SEC14L1: variants seen among roughly 807,000 people sequenced by gnomAD.
SEC14L1 encodes the protein SEC14-like protein 1.
A neutral mutation model predicts 85.3 loss-of-function variants in SEC14L1; 48 were observed. That is an observed-to-expected ratio of 0.56 (90% confidence interval 0.45 to 0.72). The LOEUF (loss-of-function observed/expected upper bound fraction) is 0.72. Among genes scored for constraint, SEC14L1 ranks in the 30% least tolerant of loss-of-function variants. The pLI, the probability that SEC14L1 is intolerant of heterozygous loss-of-function variation, is 0.00. For missense variants in SEC14L1, 682 were observed against 921.4 expected (o/e 0.74, Z 3.36); for synonymous variants, 391 against 355.5 (o/e 1.10, Z -1.12).
Position 77,213,759 on chromosome 17 carries a change from C to A in SEC14L1, c.2043-159C>A, listed in dbSNP as rs780185130. 1.0e-6 allele frequency: 1 copy of A among 997,372 alleles called. No homozygotes were observed. Among genetic ancestry groups the A allele is most frequent in the African/African-American group, 1.6e-5 (1 of 62,840 alleles). The allele number at this position is 997,372 out of a possible 1,614,324, so 61.8% of individuals were successfully genotyped here. A position where few individuals can be genotyped will look rare whatever the true frequency, so the allele number is the denominator to read the frequency against. ...GTGCAGGCTGTGGGAAGCCGGTCCCCCTGGTGGGTTACTCATGTCCATCCC... is the reference window on the plus strand; with the variant it reads ...GTGCAGGCTGTGGGAAGCCGGTCCCACTGGTGGGTTACTCATGTCCATCCC... On this transcript the variant is annotated intron_variant, in intron 16 of 16. Coordinates refer to ENST00000436233, the MANE Select transcript of SEC14L1 (RefSeq NM_001143998.2). The surrounding 1 kb of genome is among the most constrained non-coding windows in gnomAD (Gnocchi z 7.1).
At position 77,201,716 on chromosome 17, in the gene SEC14L1, A is replaced by T. The variant is rs1373157982; in HGVS notation, c.1009+1043A>T. On this transcript the variant is annotated intron_variant, in intron 9 of 16. Transcript: ENST00000436233. Reference sequence around the variant, plus strand: ...TGCCCACCTTGGCCTCCAAAAGTGCAGGAATTACAGGCGTGAGCCATTGCG... The same window carrying T: ...TGCCCACCTTGGCCTCCAAAAGTGCTGGAATTACAGGCGTGAGCCATTGCG... 5.9e-5 allele frequency among the ~76,000 whole-genome samples: 9 copies of T among 152,154 alleles called. No individual in the cohort carries two copies. In the East Asian group the frequency reaches 1.7e-3, roughly 29 times the overall value.
intron 13 of SEC14L1, among the ~76,000 whole-genome samples, chr17:77,208,602 C>G (rs762668642): frequency 2.0e-5 from 3 of 152,242 alleles, no homozygotes; most frequent in Non-Finnish European, 4.4e-5. Context: ...CCCTCCTGCT[C>G]TCTGGTGGCC....
At chr17:77,195,466 G>A (rs1175734776) in intron 7 of SEC14L1, among the ~76,000 whole-genome samples, 1 of 152,116 alleles carries the variant, frequency 6.6e-6, no homozygotes, top group Non-Finnish European at 1.5e-5. Flanking sequence ...CCACAGGCAT[G>A]TGCCACCACG....
intron 3 of SEC14L1, among the ~76,000 whole-genome samples, chr17:77,134,083 C>A (rs1972705613): frequency 6.6e-6 from 1 of 152,070 alleles, no homozygotes; most frequent in Admixed American, 6.6e-5. Flanking sequence ...CCTTCTCTTT[C>A]TCTGCTGCAG....
intron 3 of SEC14L1, among the ~76,000 whole-genome samples, chr17:77,148,551 G>A (rs1473531289): frequency 6.6e-6 from 1 of 152,120 alleles, no homozygotes; most frequent in Admixed American, 6.5e-5. Flanking sequence ...CTGTGCCCTA[G>A]GAGTGCTGGC....
In SEC14L1 at chr17:77,113,596, A is replaced by AG. The variant is rs202077799; in HGVS notation, c.-136+20249_-136+20250insG. On this transcript the variant is annotated intron_variant, in intron 3 of 19. Transcript: ENST00000392476. ...CTGTCTCTACTAAAAATATAAAAAAATTAGCCAGGTGTGGTAGCACATGCC... is the reference window on the plus strand; with the variant it reads ...CTGTCTCTACTAAAAATATAAAAAAAGTTAGCCAGGTGTGGTAGCACATGCC... 8.1e-3 allele frequency among the ~76,000 whole-genome samples: 1,238 copies of AG among 152,252 alleles called. 13 individuals are homozygous for AG. Among genetic ancestry groups the AG allele is most frequent in the African/African-American group, 0.028 (1,173 of 41,522 alleles).
Position 77,215,349 on chromosome 17 carries a change from C to T in SEC14L1, c.*1326C>T. ...TGGCCTCCACGATAAGGACATGCAA[C>T]ACGTGTTTCTGTGTGCAGCAGAGGC... On this transcript the variant is annotated 3_prime_UTR_variant, in exon 17 of 17. Transcript: ENST00000436233. The T allele has an allele frequency of 1.0e-6, 1 of 985,404 alleles. No individual in the cohort carries two copies. The highest frequency in any genetic ancestry group is 4.7e-5 in the South Asian group (1 of 21,290). The allele number at this position is 985,404 out of a possible 1,614,324, so 61.0% of individuals were successfully genotyped here.
chr17:77,133,476 C>T (rs1972678582), intron 3 of SEC14L1, among the ~76,000 whole-genome samples: 1 of 152,170 alleles, frequency 6.6e-6, no homozygotes, highest in Non-Finnish European at 1.5e-5. Context: ...ACTCAGGCTC[C>T]TAATGGGGGC....
At chr17:77,103,544 C>T (rs1415375666) in intron 3 of SEC14L1, among the ~76,000 whole-genome samples, 1 of 150,136 alleles carries the variant, frequency 6.7e-6, no homozygotes, top group East Asian at 2.0e-4. Context: ...TGGGCTCAAG[C>T]GATTCTCCTG....
At chr17:77,121,520 G>A (rs1034744112) in intron 3 of SEC14L1, among the ~76,000 whole-genome samples, 3 of 152,022 alleles carry the variant, frequency 2.0e-5, no homozygotes, top group African/African-American at 2.4e-5. Flanking sequence ...CACCATGCCC[G>A]GCTAATTTTT....
chr17:77,107,809 G>C (rs549453330), intron 3 of SEC14L1, among the ~76,000 whole-genome samples: 1 of 152,230 alleles, frequency 6.6e-6, no homozygotes, highest in African/African-American at 2.4e-5. Context: ...CTTGGAGCTT[G>C]CTGACACTAT....
intron 3 of SEC14L1, among the ~76,000 whole-genome samples, chr17:77,132,067 G>A (rs1324517423): frequency 1.3e-5 from 2 of 152,150 alleles, no homozygotes; most frequent in East Asian, 3.9e-4. Flanking sequence ...AATCGTGCCT[G>A]TAGGGTAACC....
chr17:77,216,655 C>A lies in SEC14L1; in HGVS notation c.*2632C>A. 6.2e-7 allele frequency: 1 copy of A among 1,606,376 alleles called. No homozygotes were observed. Among genetic ancestry groups the A allele is most frequent in the Non-Finnish European group, 8.5e-7 (1 of 1,174,152 alleles). ...GAATTGCAGCCATCCCCTGCCCCCT[C>A]CCAGGCTGAAGATCTGTTCTTTTTA... On this transcript the variant is annotated 3_prime_UTR_variant, in exon 17 of 17. Transcript: ENST00000436233.
chr17:77,185,878 T>C (rs1975244613), intron 3 of SEC14L1, among the ~76,000 whole-genome samples: 1 of 152,140 alleles, frequency 6.6e-6, no homozygotes, highest in Non-Finnish European at 1.5e-5. Flanking sequence ...TTAAACTGCT[T>C]AAGTGTTGTT....
At chr17:77,147,769 T>TG (rs1555620089) in intron 3 of SEC14L1, among the ~76,000 whole-genome samples, 1 of 152,150 alleles carries the variant, frequency 6.6e-6, no homozygotes, top group Non-Finnish European at 1.5e-5. Context: ...GGGAACCTTC[T>TG]GGGGGGATGG....
intron 3 of SEC14L1, among the ~76,000 whole-genome samples, chr17:77,134,250 A>AC (rs1446659769): frequency 5.3e-5 from 7 of 132,038 alleles, no homozygotes; most frequent in African/African-American, 2.0e-4. Flanking sequence ...ACACACACAC[A>AC]CTTTTTTTTT....
At position 77,200,686 on chromosome 17, in the gene SEC14L1, G is replaced by A. The variant is rs1976091236; in HGVS notation, c.1009+13G>A. On this transcript the variant is annotated intron_variant, in intron 9 of 16. Coordinates refer to ENST00000436233, the MANE Select transcript of SEC14L1 (RefSeq NM_001143998.2). ...CATCACGACAAAGGTACCGGATGGA[G>A]TTGAAACTGTGTTTCCATCGTTGTC... The A allele has an allele frequency of 2.5e-6, 4 of 1,603,690 alleles. No homozygotes were observed. In the East Asian group the frequency reaches 9.0e-5, roughly 36 times the overall value.
At chr17:77,107,754 A>G (rs1177615330) in intron 3 of SEC14L1, among the ~76,000 whole-genome samples, 1 of 152,200 alleles carries the variant, frequency 6.6e-6, no homozygotes, top group Admixed American at 6.5e-5. Context: ...GTGGCGTTCT[A>G]AAGGTTTCCC....
intron 9 of SEC14L1, among the ~76,000 whole-genome samples, chr17:77,202,971 G>A (rs1034732520): frequency 2.1e-4 from 31 of 150,946 alleles, no homozygotes; most frequent in African/African-American, 7.6e-4. Context: ...AGCCAACACA[G>A]GCTGCTTGGT....
Sources: allele counts gnomAD v4.1 joint callset (sites outside exome capture counted in the v4.1 genomes callset), GRCh38; gene constraint gnomAD v4.1.1; non-coding constraint Gnocchi (gnomAD v3.1); transcripts MANE v1.5; gene names NCBI Gene and HGNC (gene_info 2026-07-23, HGNC 2026-07-21).